Variants in ARHGAP15 observed in about 807,000 individuals in gnomAD.
The protein encoded by ARHGAP15 is Rho GTPase activating protein 15.
A neutral mutation model predicts 63.7 loss-of-function variants in ARHGAP15; 51 were observed. That is an observed-to-expected ratio of 0.80 (90% CI 0.64 to 1.01). The LOEUF (loss-of-function observed/expected upper bound fraction) is 1.01, where lower values mean the gene tolerates loss of function less well. Ranked by LOEUF, ARHGAP15 falls within the 50% of genes least tolerant of loss-of-function variation. The pLI, the probability that ARHGAP15 is intolerant of heterozygous loss-of-function variation, is 0.00. For missense variants in ARHGAP15, 560 were observed against 564.6 expected (o/e 0.99, Z 0.08); for synonymous variants, 191 against 193.8 (o/e 0.99, Z 0.12).
At chr2:143,537,229 GT>G (rs936381536) in intron 10 of ARHGAP15, among the ~76,000 whole-genome samples, 4 of 152,020 alleles carry the variant, frequency 2.6e-5, no homozygotes, top group Non-Finnish European at 2.9e-5. Flanking sequence ...GAGGTTGTTT[GT>G]TTTTTTCTTG....
intron 6 of ARHGAP15, among the ~76,000 whole-genome samples, chr2:143,393,339 T>A (rs1454427696): frequency 1.3e-5 from 2 of 152,152 alleles, no homozygotes; most frequent in African/African-American, 4.8e-5. Flanking sequence ...TCATTATTAA[T>A]ATTATTAAGA....
At chr2:143,378,315 T>C (rs1031060655) in intron 6 of ARHGAP15, among the ~76,000 whole-genome samples, 2 of 152,056 alleles carry the variant, frequency 1.3e-5, no homozygotes, top group African/African-American at 4.8e-5. Context: ...TAAACAGATA[T>C]TAAAGTACTT....
At chr2:143,332,973 G>GAAAAAAAA (rs34554225) in intron 6 of ARHGAP15, among the ~76,000 whole-genome samples, 1 of 108,418 alleles carries the variant, frequency 9.2e-6, no homozygotes, top group Non-Finnish European at 2.0e-5. Flanking sequence ...CATTTAAAAT[G>GAAAAAAAA]AAAAAAAAAA....
chr2:143,361,121 A>G (rs924674977), intron 6 of ARHGAP15, among the ~76,000 whole-genome samples: 1 of 152,198 alleles, frequency 6.6e-6, no homozygotes, highest in Non-Finnish European at 1.5e-5. Flanking sequence ...AGCTATATCT[A>G]TAGACACTAG....
chr2:143,752,265 G>A (rs1686407929), intron 13 of ARHGAP15, among the ~76,000 whole-genome samples: 1 of 152,176 alleles, frequency 6.6e-6, no homozygotes, highest in African/African-American at 2.4e-5. Context: ...CTCATTTACA[G>A]AGTAAAGGCC....
intron 2 of ARHGAP15, among the ~76,000 whole-genome samples, chr2:143,188,003 A>T (rs1235356575): frequency 6.6e-6 from 1 of 152,202 alleles, no homozygotes; most frequent in African/African-American, 2.4e-5. Context: ...CTGTCTATTC[A>T]TCAGTTCCCC....
chr2:143,729,065 G>A (rs1185033129), intron 13 of ARHGAP15, among the ~76,000 whole-genome samples: 4 of 152,168 alleles, frequency 2.6e-5, no homozygotes, highest in Non-Finnish European at 5.9e-5. Context: ...GTTTTTGCAT[G>A]TGCATGCATA....
chr2:143,749,052 AC>A (rs1342197975), intron 13 of ARHGAP15, among the ~76,000 whole-genome samples: 1 of 151,822 alleles, frequency 6.6e-6, no homozygotes, highest in African/African-American at 2.4e-5. Flanking sequence ...AGGTCAATTC[AC>A]TGTAAAAAAT....
chr2:143,416,820 C>G (rs1423561309), intron 6 of ARHGAP15, among the ~76,000 whole-genome samples: 11 of 50,316 alleles, frequency 2.2e-4, no homozygotes, highest in Admixed American at 6.9e-4. Context: ...CTTCCCCCAC[C>G]ACCCCCCCAC....
At chr2:143,393,816 T>A (rs1351466621) in intron 6 of ARHGAP15, among the ~76,000 whole-genome samples, 1 of 145,632 alleles carries the variant, frequency 6.9e-6, no homozygotes, top group Non-Finnish European at 1.5e-5. Context: ...CGTTGGGACA[T>A]AATTAAAACA....
chr2:143,250,638 C>T (rs1680110079), intron 6 of ARHGAP15, 38 bp downstream of exon 6: 2 of 1,539,412 alleles, frequency 1.3e-6, no homozygotes, highest in Non-Finnish European at 1.8e-6. Flanking sequence ...TTCCTATTCT[C>T]TCTAAATCTG....
intron 11 of ARHGAP15, among the ~76,000 whole-genome samples, chr2:143,571,395 C>A (rs1696448230): frequency 6.6e-6 from 1 of 152,152 alleles, no homozygotes; most frequent in Admixed American, 6.5e-5. Flanking sequence ...TACACTAAAT[C>A]TTTGTAAGAA....
intron 10 of ARHGAP15, among the ~76,000 whole-genome samples, chr2:143,533,098 C>A (rs967027092): frequency 6.6e-6 from 1 of 152,176 alleles, no homozygotes; most frequent in African/African-American, 2.4e-5. Context: ...AGAATGAAAA[C>A]AGACATTTAT....
chr2:143,194,245 A>G (rs1691792122), intron 2 of ARHGAP15, among the ~76,000 whole-genome samples: 1 of 152,300 alleles, frequency 6.6e-6, no homozygotes, highest in East Asian at 1.9e-4. Flanking sequence ...AATATAACAT[A>G]TGACTTTAGT....
intron 13 of ARHGAP15, among the ~76,000 whole-genome samples, chr2:143,762,556 A>G (rs1020008231): frequency 2.6e-5 from 4 of 152,178 alleles, no homozygotes; most frequent in Non-Finnish European, 5.9e-5. Context: ...AATTCCTAAC[A>G]TTTTCAGACT....
chr2:143,133,260 G>A (rs755894549), intron 1 of ARHGAP15, among the ~76,000 whole-genome samples: 13 of 152,182 alleles, frequency 8.5e-5, no homozygotes, highest in South Asian at 4.1e-4. Flanking sequence ...AAAACACGGC[G>A]TGTCAGAGAA....
intron 6 of ARHGAP15, among the ~76,000 whole-genome samples, chr2:143,378,222 A>G (rs1256789254): frequency 3.3e-5 from 5 of 152,034 alleles, no homozygotes; most frequent in Non-Finnish European, 7.4e-5. Flanking sequence ...ATAAAGCACA[A>G]TTTCTAAGAT....
intron 9 of ARHGAP15, among the ~76,000 whole-genome samples, chr2:143,498,031 T>C (rs1692896163): frequency 6.6e-6 from 1 of 152,220 alleles, no homozygotes; most frequent in Non-Finnish European, 1.5e-5. Context: ...ACAATTCATT[T>C]TGACATATCC....
At chr2:143,373,304 A>C (rs1686645583) in intron 6 of ARHGAP15, among the ~76,000 whole-genome samples, 1 of 152,162 alleles carries the variant, frequency 6.6e-6, no homozygotes, top group African/African-American at 2.4e-5. Context: ...CCAAGAATCC[A>C]TGTGCTTAAC....
Sources: gnomAD v4.1 joint callset for allele counts (sites outside exome capture counted in the v4.1 genomes callset) on GRCh38, gnomAD v4.1.1 for gene constraint, MANE v1.5 for transcripts, NCBI Gene and HGNC (gene_info 2026-07-23, HGNC 2026-07-21) for gene names.